CDH12: variants seen among roughly 807,000 people sequenced by gnomAD.
CDH12 encodes the protein cadherin 12.
CDH12 carries 41 observed loss-of-function variants against 74.1 expected under a neutral mutation model. The observed-to-expected ratio is 0.55, with a 90% CI of 0.43 to 0.72. The LOEUF is 0.72. Ranked by LOEUF, CDH12 falls within the 30% of genes least tolerant of loss-of-function variation. CDH12 has a pLI of 0.00. For synonymous variants in CDH12, 399 were observed against 355.0 expected (o/e 1.12, Z -1.39); for missense variants, 945 against 977.2 (o/e 0.97, Z 0.44).
intron 6 of CDH12, among the ~76,000 whole-genome samples, chr5:21,954,139 T>G (rs115734285): frequency 0.021 from 3,262 of 151,842 alleles, 102 homozygotes; most frequent in South Asian, 0.06. Flanking sequence ...CATTACTTAA[T>G]GATGATAATT....
At chr5:22,134,425 T>C (rs574346466) in intron 4 of CDH12, among the ~76,000 whole-genome samples, 1 of 152,122 alleles carries the variant, frequency 6.6e-6, no homozygotes, top group East Asian at 1.9e-4. Flanking sequence ...TGGGGTGTAG[T>C]TGGGTGATCC....
chr5:22,557,644 C>A (rs1297150533), intron 1 of CDH12, among the ~76,000 whole-genome samples: 1 of 151,962 alleles, frequency 6.6e-6, no homozygotes. Flanking sequence ...CTGTATATAG[C>A]ATATTTTATT....
intron 2 of CDH12, among the ~76,000 whole-genome samples, chr5:22,411,751 C>T (rs1743179893): frequency 6.6e-6 from 1 of 151,966 alleles, no homozygotes; most frequent in Non-Finnish European, 1.5e-5. Context: ...ATTGATGTTA[C>T]ACTTTAATAA....
chr5:22,244,692 GAAAAGA>G (rs1160303197), intron 3 of CDH12, among the ~76,000 whole-genome samples: 1 of 129,052 alleles, frequency 7.7e-6, no homozygotes, highest in Admixed American at 8.2e-5. Context: ...AAGAAGGAAA[GAAAAGA>G]AAAAGAAAGA....
intron 3 of CDH12, among the ~76,000 whole-genome samples, chr5:22,244,739 G>GA (rs1336505349): frequency 1.4e-5 from 1 of 71,626 alleles, no homozygotes; most frequent in Non-Finnish European, 2.6e-5. Flanking sequence ...AAGAAAGAAA[G>GA]AAAAGAAAGA....
intron 5 of CDH12, among the ~76,000 whole-genome samples, chr5:22,061,986 T>C (rs1010973821): frequency 1.5e-4 from 23 of 151,982 alleles, no homozygotes; most frequent in Non-Finnish European, 5.9e-5. Flanking sequence ...AGAGATGTGG[T>C]TAAAAGAAAA....
At chr5:22,809,460 T>C (rs1749018494) in intron 1 of CDH12, among the ~76,000 whole-genome samples, 1 of 151,806 alleles carries the variant, frequency 6.6e-6, no homozygotes, top group Non-Finnish European at 1.5e-5. Context: ...TACATTCCTT[T>C]CATAAAATGC....
At chr5:22,207,811 G>C (rs1282431369) in intron 4 of CDH12, among the ~76,000 whole-genome samples, 1 of 152,158 alleles carries the variant, frequency 6.6e-6, no homozygotes, top group Non-Finnish European at 1.5e-5. Flanking sequence ...GTTCCTGGAA[G>C]TTTTGCAAGA....
chr5:22,187,808 G>T (rs1750048439), intron 4 of CDH12, among the ~76,000 whole-genome samples: 1 of 152,134 alleles, frequency 6.6e-6, no homozygotes, highest in African/African-American at 2.4e-5. Flanking sequence ...CAACCCACTT[G>T]AATTGGTAAG....
At chr5:22,315,119 C>CTGTTTTTTTTTTTT (rs1738570182) in intron 3 of CDH12, among the ~76,000 whole-genome samples, 2 of 22,996 alleles carry the variant, frequency 8.7e-5, no homozygotes, top group Admixed American at 7.2e-4. Context: ...GCCTGCCTGG[C>CTGTTTTTTTTTTTT]TTTTTTTTTT....
intron 3 of CDH12, among the ~76,000 whole-genome samples, chr5:22,307,930 G>C (rs914735969): frequency 1.7e-5 from 2 of 117,818 alleles, no homozygotes; most frequent in Admixed American, 2.7e-4. Flanking sequence ...GCCCAGGCTG[G>C]AGTGCAGTGG....
intron 2 of CDH12, among the ~76,000 whole-genome samples, chr5:22,407,016 T>C (rs1347582436): frequency 6.6e-6 from 1 of 151,964 alleles, no homozygotes; most frequent in African/African-American, 2.4e-5. Context: ...CTTACTTAAT[T>C]CTAAGTAATG....
chr5:22,070,892 C>T (rs1021547586), intron 5 of CDH12, among the ~76,000 whole-genome samples: 1 of 152,136 alleles, frequency 6.6e-6, no homozygotes, highest in East Asian at 1.9e-4. Flanking sequence ...CAACCAAACG[C>T]TACATGTTCT....
intron 1 of CDH12, among the ~76,000 whole-genome samples, chr5:22,726,816 A>T (rs1282353707): frequency 6.6e-6 from 1 of 151,864 alleles, no homozygotes; most frequent in Non-Finnish European, 1.5e-5. Context: ...GACCTTCATT[A>T]TAGAAGTAAT....
chr5:22,507,984 C>T (rs1736455162), intron 1 of CDH12, among the ~76,000 whole-genome samples: 1 of 152,166 alleles, frequency 6.6e-6, no homozygotes, highest in Non-Finnish European at 1.5e-5. Context: ...CTTTACATTG[C>T]CTTTTCCTCT....
chr5:22,828,649 A>T, intron 1 of CDH12, among the ~76,000 whole-genome samples: 1 of 152,182 alleles, frequency 6.6e-6, no homozygotes, highest in East Asian at 1.9e-4. Context: ...ATGTGACCCA[A>T]GAGAAAGTTG....
chr5:22,075,136 A>G (rs1160114741), intron 5 of CDH12, among the ~76,000 whole-genome samples: 2 of 152,020 alleles, frequency 1.3e-5, no homozygotes, highest in Admixed American at 6.6e-5. Flanking sequence ...AGCCATAAAA[A>G]AGGATGAGTT....
In CDH12 at chr5:22,495,085, C is replaced by T. The variant is rs546706183; in HGVS notation, c.-428+10185G>A. On this transcript the variant is annotated intron_variant, in intron 2 of 14. Transcript: ENST00000382254. Reference sequence around the variant, plus strand: ...GAAGAAGCAGTTATCCTATATTTCACCCCTTCTGTCAGACCCCACGGGTAT... The same window carrying T: ...GAAGAAGCAGTTATCCTATATTTCATCCCTTCTGTCAGACCCCACGGGTAT... Among the ~76,000 whole-genome samples, 31 of 152,298 alleles carry T rather than the reference C, an allele frequency of 2.0e-4. No individual in the cohort carries two copies. The South Asian group carries it at 5.4e-3, about 26-fold the overall frequency.
intron 1 of CDH12, among the ~76,000 whole-genome samples, chr5:22,755,838 T>C (rs940501157): frequency 2.6e-5 from 4 of 152,016 alleles, no homozygotes; most frequent in African/African-American, 9.7e-5. Flanking sequence ...GTTAACACTG[T>C]CTAACTATTT....
Sources: gnomAD v4.1 joint callset for allele counts (sites outside exome capture counted in the v4.1 genomes callset) on GRCh38, gnomAD v4.1.1 for gene constraint, MANE v1.5 for transcripts, NCBI Gene and HGNC (gene_info 2026-07-23, HGNC 2026-07-21) for gene names.